The following IQGAP2 variants were observed in gnomAD, a reference collection of about 807,000 sequenced individuals.
IQGAP2 encodes the protein ras GTPase-activating-like protein IQGAP2.
Under a neutral mutation model 201.3 loss-of-function variants are expected in IQGAP2, and 173 were observed. The ratio of observed to expected loss-of-function variants is 0.86; its 90% confidence interval spans 0.76 to 0.98. The LOEUF (loss-of-function observed/expected upper bound fraction) is 0.98. IQGAP2 is among the 50% of genes least tolerant of loss of function. The pLI is 0.00. For synonymous variants in IQGAP2, 675 were observed against 673.9 expected, an observed-to-expected ratio of 1.00 and a Z score of -0.03; for missense variants, 1,687 against 1,864.8, an observed-to-expected ratio of 0.90 and a Z score of 1.76.
intron 2 of IQGAP2, among the ~76,000 whole-genome samples, chr5:76,477,858 C>T (rs1231428172): frequency 7.6e-6 from 1 of 131,744 alleles, no homozygotes; most frequent in Non-Finnish European, 1.6e-5. Context: ...TAGTTTATAG[C>T]AAAAAAGTTT....
intron 2 of IQGAP2, chr5:76,510,447 A>AG (rs1174096377): frequency 3.4e-6 from 1 of 293,122 alleles, no homozygotes; most frequent in African/African-American, 2.2e-5. Context: ...GTGGCGCCTG[A>AG]GGGTCCCGGG....
chr5:76,565,069 G>T (rs375369539), intron 3 of IQGAP2, among the ~76,000 whole-genome samples: 1 of 152,170 alleles, frequency 6.6e-6, no homozygotes, highest in African/African-American at 2.4e-5. Flanking sequence ...TTATTTTAGC[G>T]CCTTTTCATC....
intron 17 of IQGAP2, among the ~76,000 whole-genome samples, chr5:76,647,823 C>CCACA (rs374577768): frequency 0.23 from 14,083 of 62,556 alleles, 854 homozygotes; most frequent in South Asian, 0.5. Context: ...TAGCCAAACA[C>CCACA]CACACACACA....
At chr5:76,608,225 C>T (rs1747967908) in intron 12 of IQGAP2, 1 of 152,164 alleles carries the variant, frequency 6.6e-6, no homozygotes, top group Non-Finnish European at 1.5e-5. Context: ...GTTATTCTCC[C>T]TAGGACATTT....
At chr5:76,504,850 G>A (rs1482912523) in intron 2 of IQGAP2, among the ~76,000 whole-genome samples, 1 of 152,068 alleles carries the variant, frequency 6.6e-6, no homozygotes, top group Non-Finnish European at 1.5e-5. Flanking sequence ...TTAAATCTCT[G>A]TCCTTAGGCC....
Position 76,672,001 on chromosome 5 carries a change from G to GA in IQGAP2, c.3068+18_3068+19insA. On this transcript the variant is annotated intron_variant, in intron 24 of 35. Coordinates refer to ENST00000274364, the MANE Select transcript of IQGAP2 (RefSeq NM_006633.5). ...GAGGCCAGGTAATAGAATCAGGAAG[G>GA]TGTTGGTCTTCTGTTATGTTTTATG... is the stretch of plus-strand genomic sequence containing the variant. 6.4e-7 allele frequency: 1 copy of GA among 1,558,604 alleles called. No individual in the cohort carries two copies. The highest frequency in any genetic ancestry group is 8.8e-7 in the Non-Finnish European group (1 of 1,132,158).
At chr5:76,451,112 G>A (rs1175159900) in intron 1 of IQGAP2, among the ~76,000 whole-genome samples, 1 of 152,040 alleles carries the variant, frequency 6.6e-6, no homozygotes, top group East Asian at 1.9e-4. Context: ...TTTATGTTTT[G>A]TCCCCTTAAT....
intron 12 of IQGAP2, 100 bp from the exon 13 acceptor site, chr5:76,610,920 A>G: frequency 2.2e-6 from 2 of 891,350 alleles, no homozygotes; most frequent in Non-Finnish European, 3.4e-6. Context: ...TGCATCCTAT[A>G]GCCTTGCTGT....
intron 34 of IQGAP2, among the ~76,000 whole-genome samples, chr5:76,702,182 C>T (rs1747462960): frequency 6.6e-6 from 1 of 152,172 alleles, no homozygotes; most frequent in East Asian, 1.9e-4. Context: ...TTCTGTGACT[C>T]ACATATTTCC....
At chr5:76,609,047 G>C in intron 12 of IQGAP2, 1 of 1,500,214 alleles carries the variant, frequency 6.7e-7, no homozygotes. Flanking sequence ...TTCCCAGAGG[G>C]CTTCTGGGTA....
chr5:76,463,259 C>G (rs1754589123), intron 2 of IQGAP2, among the ~76,000 whole-genome samples: 1 of 151,940 alleles, frequency 6.6e-6, no homozygotes, highest in Non-Finnish European at 1.5e-5. Flanking sequence ...GTTTTTGCCT[C>G]CTGTTTTTAA....
chr5:76,630,479 A>C (rs1475605516), intron 14 of IQGAP2, among the ~76,000 whole-genome samples: 1 of 152,158 alleles, frequency 6.6e-6, no homozygotes, highest in Non-Finnish European at 1.5e-5. Context: ...TATTAAGATG[A>C]GAGTTGATCC....
At chr5:76,500,583 T>C (rs1425807148) in intron 2 of IQGAP2, among the ~76,000 whole-genome samples, 2 of 152,208 alleles carry the variant, frequency 1.3e-5, no homozygotes, top group Non-Finnish European at 2.9e-5. Flanking sequence ...AATATACGGG[T>C]ACCACTTTCC....
intron 2 of IQGAP2, among the ~76,000 whole-genome samples, chr5:76,494,460 A>T (rs747792585): frequency 2.6e-5 from 4 of 152,162 alleles, no homozygotes; most frequent in Non-Finnish European, 5.9e-5. Context: ...AACAACAGTG[A>T]CAAGTTCTCC....
chr5:76,692,855 A>T (rs550504723), intron 30 of IQGAP2, among the ~76,000 whole-genome samples: 2 of 152,338 alleles, frequency 1.3e-5, no homozygotes, highest in South Asian at 4.1e-4. Flanking sequence ...ACTGGTCTTC[A>T]GACTCTTTAA....
intron 1 of IQGAP2, among the ~76,000 whole-genome samples, chr5:76,429,586 A>T (rs1322965114): frequency 1.6e-5 from 2 of 125,942 alleles, no homozygotes; most frequent in African/African-American, 5.2e-5. Context: ...AAAAATTTAT[A>T]TATATATATA....
intron 2 of IQGAP2, among the ~76,000 whole-genome samples, chr5:76,479,253 C>T (rs779145176): frequency 1.8e-4 from 27 of 152,168 alleles, no homozygotes; most frequent in Non-Finnish European, 3.2e-4. Flanking sequence ...TACCCCACTG[C>T]CTTGCACGGG....
chr5:76,486,329 T>A (rs1756134692), intron 2 of IQGAP2, among the ~76,000 whole-genome samples: 1 of 152,228 alleles, frequency 6.6e-6, no homozygotes, highest in African/African-American at 2.4e-5. Flanking sequence ...AAGCTTAGAT[T>A]TTGTTTGGGT....
intron 1 of IQGAP2, among the ~76,000 whole-genome samples, chr5:76,453,048 T>A (rs78956645): frequency 1.4e-4 from 22 of 152,192 alleles, no homozygotes; most frequent in African/African-American, 4.8e-4. Flanking sequence ...CCTGAGTAGC[T>A]GGGATTACAG....
Sources: allele counts gnomAD v4.1 joint callset (sites outside exome capture counted in the v4.1 genomes callset), GRCh38; gene constraint gnomAD v4.1.1; transcripts MANE v1.5; gene names NCBI Gene and HGNC (gene_info 2026-07-23, HGNC 2026-07-21).